Variants in KIF9 observed in about 807,000 individuals in gnomAD.
KIF9 encodes kinesin family member 9.
Under a neutral mutation model 94.8 loss-of-function variants are expected in KIF9, and 68 were observed. The ratio of observed to expected loss-of-function variants is 0.72; its 90% CI spans 0.59 to 0.88. KIF9 has a LOEUF of 0.88. Ranked by LOEUF, KIF9 falls within the 40% of genes least tolerant of loss-of-function variation. The pLI, the probability that KIF9 is intolerant of heterozygous loss-of-function variation, is 0.00. For synonymous variants in KIF9, 343 were observed against 362.1 expected (o/e 0.95, Z 0.60); for missense variants, 882 against 982.5 (o/e 0.90, Z 1.37).
chr3:47,279,679 C>A (rs903751135), intron 1 of KIF9, among the ~76,000 whole-genome samples: 2 of 151,218 alleles, frequency 1.3e-5, no homozygotes, highest in Non-Finnish European at 2.9e-5. Flanking sequence ...CGCAGTGGCG[C>A]CATCTCAGCT....
intron 10 of KIF9, among the ~76,000 whole-genome samples, chr3:47,256,860 C>T (rs973719521): frequency 3.3e-5 from 5 of 152,218 alleles, no homozygotes; most frequent in Non-Finnish European, 4.4e-5. Flanking sequence ...CCTGTGCTCT[C>T]TGAAACATGT....
At chr3:47,232,937 C>T (rs62248906) in intron 20 of KIF9, among the ~76,000 whole-genome samples, 1,765 of 147,060 alleles carry the variant, frequency 0.012, 14 homozygotes, top group Non-Finnish European at 0.02. Flanking sequence ...GCCGAGATCA[C>T]GCCACTGCAT....
intron 1 of KIF9, among the ~76,000 whole-genome samples, chr3:47,277,734 C>T (rs1468897977): frequency 6.6e-6 from 1 of 152,172 alleles, no homozygotes. Flanking sequence ...TGCTTTCCTT[C>T]ATTTATTATA....
At chr3:47,276,555 CAAAAAAA>C (rs752825599) in intron 2 of KIF9, among the ~76,000 whole-genome samples, 9 of 58,716 alleles carry the variant, frequency 1.5e-4, no homozygotes, top group African/African-American at 4.4e-4. Flanking sequence ...GACTCTGTCT[CAAAAAAA>C]AAAAAAAAAA....
intron 17 of KIF9, among the ~76,000 whole-genome samples, chr3:47,237,346 G>T (rs769832659): frequency 6.6e-6 from 1 of 152,136 alleles, no homozygotes; most frequent in African/African-American, 2.4e-5. Context: ...CGCCCGCCTC[G>T]GCCTCCCAAA....
intron 10 of KIF9, chr3:47,250,541 C>G: frequency 4.2e-6 from 2 of 471,792 alleles, no homozygotes; most frequent in Non-Finnish European, 8.7e-6. Context: ...GGGTAATGTG[C>G]CAATGTCGTA....
At chr3:47,235,941 A>T in intron 19 of KIF9, 93 bp downstream of exon 19, 1 of 951,062 alleles carries the variant, frequency 1.1e-6, no homozygotes, top group African/African-American at 1.6e-5. Flanking sequence ...CACCACACAC[A>T]CTGCCATCTT....
At chr3:47,275,863 G>C (rs569167855) in intron 2 of KIF9, among the ~76,000 whole-genome samples, 55 of 152,198 alleles carry the variant, frequency 3.6e-4, no homozygotes, top group Non-Finnish European at 6.0e-4. Context: ...AGGGAATAGT[G>C]AGCCTGGTAA....
At chr3:47,257,216 G>A (rs140629998) in intron 10 of KIF9, among the ~76,000 whole-genome samples, 9 of 151,856 alleles carry the variant, frequency 5.9e-5, no homozygotes, top group Admixed American at 1.3e-4. Context: ...TCTTAAGGTC[G>A]GCTTCTATCC....
At chr3:47,262,676 C>A (rs1218927219) in intron 9 of KIF9, among the ~76,000 whole-genome samples, 2 of 152,164 alleles carry the variant, frequency 1.3e-5, no homozygotes, top group Non-Finnish European at 2.9e-5. Context: ...CCTCCCAAGT[C>A]CCAGGGTGCT....
chr3:47,257,163 A>T (rs1365854099), intron 10 of KIF9, among the ~76,000 whole-genome samples: 8 of 151,938 alleles, frequency 5.3e-5, no homozygotes, highest in Admixed American at 1.3e-4. Flanking sequence ...AATTAATTTT[A>T]AAAAAAATTA....
At position 47,263,412 on chromosome 3, in the gene KIF9, C is replaced by T. The variant is rs144252019; in HGVS notation, c.981+874G>A. Among the ~76,000 whole-genome samples, 111 of 152,296 alleles carry T rather than the reference C, an allele frequency of 7.3e-4. 1 individual carries two copies. Among genetic ancestry groups the T allele is most frequent in the African/African-American group, 2.6e-3 (108 of 41,562 alleles). ...TCCCACCTCTGGCCACAGCCCTCCC[C>T]TACTCAAACCCTGTGACAGCTCCAG... is the stretch of plus-strand genomic sequence containing the variant. On this transcript the variant is annotated intron_variant, in intron 9 of 20. Transcript: ENST00000684063.
chr3:47,236,070 C>A lies in KIF9; in HGVS notation c.2181G>T (p.Arg727=). 6.2e-7 allele frequency: 1 copy of A among 1,614,132 alleles called. No homozygotes were observed. Among genetic ancestry groups the A allele is most frequent in the South Asian group, 1.1e-5 (1 of 91,078 alleles). Residue 727 remains arginine (R), a synonymous_variant, in exon 19 of 21, where the codon CGG becomes CGT. Transcript: ENST00000684063. ...QMALKPGGSI[R]PGMVPVNRIV... is the part of the protein sequence containing the mutation. The stretch of plus-strand genomic sequence containing the variant: ...TCCTGTTCACAGGGACCATGCCTGG[C>A]CGGATGCTGCCGCCTGGCTTCAGTG...
intron 17 of KIF9, 140 bp from the exon 18 acceptor site, chr3:47,236,759 G>C (rs923095254): frequency 4.2e-6 from 3 of 712,400 alleles, no homozygotes; most frequent in Non-Finnish European, 7.1e-6. Flanking sequence ...ATGGCAAGGA[G>C]ATGGGCAAAG....
At position 47,236,079 on chromosome 3, in the gene KIF9, GC is replaced by G. The variant is rs1306932722; in HGVS notation, c.2171del (p.Gly724AlafsTer10). 1 of 1,614,158 alleles carries G rather than the reference GC, an allele frequency of 6.2e-7. No individual in the cohort carries two copies. The highest frequency in any genetic ancestry group is 1.7e-5 in the Admixed American group (1 of 60,024). On this transcript the variant is annotated frameshift_variant, in exon 19 of 21. Transcript: ENST00000684063. LOFTEE classifies it high-confidence loss of function. ...CAGGGACCATGCCTGGCCGGATGCT[GC>G]CGCCTGGCTTCAGTGCCATCTGCAT... is the stretch of plus-strand genomic sequence containing the variant. ...EDMQMALKPGGSIRPGMVPVN... is the reference protein window; with the variant it reads ...EDMQMALKPGXSIRPGMVPVN...
At chr3:47,247,269 C>T (rs900770039) in intron 12 of KIF9, 104 bp downstream of exon 12, 9 of 743,508 alleles carry the variant, frequency 1.2e-5, no homozygotes, top group African/African-American at 5.1e-5. Flanking sequence ...CCCACTGCAC[C>T]CATTCACATG....
chr3:47,240,335 T>G, intron 17 of KIF9: 1 of 217,862 alleles, frequency 4.6e-6, no homozygotes. Context: ...TGAAAGTGAG[T>G]CCCTTGGCTC....
At chr3:47,256,528 G>A (rs1459584572) in intron 10 of KIF9, among the ~76,000 whole-genome samples, 2 of 149,870 alleles carry the variant, frequency 1.3e-5, no homozygotes, top group Non-Finnish European at 3.0e-5. Context: ...TGGGGGGGTC[G>A]GCCCCCCGCC....
At chr3:47,248,279 T>A in intron 10 of KIF9, 193 bp from the exon 11 acceptor site, 1 of 593,110 alleles carries the variant, frequency 1.7e-6, no homozygotes, top group East Asian at 2.9e-5. Flanking sequence ...TGGGGTGAGT[T>A]TAGGGTCTGG....
Sources: gnomAD v4.1 joint callset for allele counts (sites outside exome capture counted in the v4.1 genomes callset) on GRCh38, gnomAD v4.1.1 for gene constraint, MANE v1.5 for transcripts, NCBI Gene and HGNC (gene_info 2026-07-23, HGNC 2026-07-21) for gene names.